GSK3B: variants seen among roughly 807,000 people sequenced by gnomAD.
GSK3B encodes the protein glycogen synthase kinase-3 beta.
A neutral mutation model predicts 56.4 loss-of-function variants in GSK3B; 15 were observed. The observed-to-expected ratio is 0.27, with a 90% CI of 0.18 to 0.41. The LOEUF (loss-of-function observed/expected upper bound fraction) is 0.41, where lower values mean the gene tolerates loss of function less well. Among genes scored for constraint, GSK3B ranks in the 10% least tolerant of loss-of-function variants. The pLI, the probability that GSK3B is intolerant of heterozygous loss-of-function variation, is 1.00. For missense variants in GSK3B, 300 were observed against 513.4 expected, an observed-to-expected ratio of 0.58 and a Z score of 4.02; for synonymous variants, 181 against 188.9, an observed-to-expected ratio of 0.96 and a Z score of 0.34.
chr3:119,998,683 A>G (rs2107477368), intron 2 of GSK3B, among the ~76,000 whole-genome samples: 1 of 152,328 alleles, frequency 6.6e-6, no homozygotes, highest in East Asian at 1.9e-4. Context: ...GCCAGGCATG[A>G]TGATTCAGAC....
Position 119,823,412 on chromosome 3 carries a change from AT to A in GSK3B, c.*3375del, listed in dbSNP as rs2107987679. 2 of 199,776 alleles carry A rather than the reference AT, an allele frequency of 1.0e-5. No homozygotes were observed. Among genetic ancestry groups the A allele is most frequent in the East Asian group, 7.8e-5 (1 of 12,876 alleles). The allele number at this position is 199,776 out of a possible 1,614,324, so 12.4% of individuals were successfully genotyped here. ...TAACTGCTAGTAATTGCACTATAGC[AT>A]TTTAGACCACTGACGTATCAAAACC... On this transcript the variant is annotated 3_prime_UTR_variant, in exon 11 of 11. Transcript: ENST00000264235.
At chr3:120,076,801 G>A (rs955538989) in intron 1 of GSK3B, among the ~76,000 whole-genome samples, 7 of 99,226 alleles carry the variant, frequency 7.1e-5, no homozygotes, top group East Asian at 6.2e-4. Flanking sequence ...GCGACAGAGC[G>A]AAACTCCGTC....
intron 4 of GSK3B, among the ~76,000 whole-genome samples, chr3:119,921,023 T>C (rs1441345971): frequency 2.0e-5 from 3 of 152,176 alleles, no homozygotes; most frequent in African/African-American, 7.2e-5. Flanking sequence ...GAAGAAAAGG[T>C]TGATTCTAAG....
intron 2 of GSK3B, among the ~76,000 whole-genome samples, chr3:119,958,846 A>G (rs1419741254): frequency 2.0e-5 from 3 of 152,032 alleles, no homozygotes; most frequent in African/African-American, 7.2e-5. Context: ...CTTAACAGGT[A>G]GAATTCAACT....
chr3:119,958,242 T>G (rs1317101475), intron 2 of GSK3B, among the ~76,000 whole-genome samples: 2 of 152,202 alleles, frequency 1.3e-5, no homozygotes, highest in Non-Finnish European at 2.9e-5. Context: ...TCCCCAGCCA[T>G]GTGGAACTGT....
At chr3:119,927,250 GA>G (rs1208773184) in intron 3 of GSK3B, among the ~76,000 whole-genome samples, 3 of 152,200 alleles carry the variant, frequency 2.0e-5, no homozygotes, top group African/African-American at 4.8e-5. Flanking sequence ...AAAGCTTGAA[GA>G]AAAAAATTAG....
At chr3:119,932,380 C>A (rs1024255557) in intron 3 of GSK3B, among the ~76,000 whole-genome samples, 1 of 151,962 alleles carries the variant, frequency 6.6e-6, no homozygotes, top group African/African-American at 2.4e-5. Context: ...AAGAGAATAC[C>A]TTTTTGCTTG....
chr3:120,089,923 T>C (rs761181501), intron 1 of GSK3B, among the ~76,000 whole-genome samples: 1 of 152,100 alleles, frequency 6.6e-6, no homozygotes, highest in Non-Finnish European at 1.5e-5. Flanking sequence ...AAATTTGGGA[T>C]TAATGCCTAA....
At chr3:119,950,358 T>C (rs2057145692) in intron 2 of GSK3B, among the ~76,000 whole-genome samples, 2 of 152,142 alleles carry the variant, frequency 1.3e-5, no homozygotes, top group Admixed American at 1.3e-4. Flanking sequence ...TCAACCTGGA[T>C]GATATAAAGG....
chr3:119,976,282 T>C (rs911471217), intron 2 of GSK3B, among the ~76,000 whole-genome samples: 3 of 152,094 alleles, frequency 2.0e-5, no homozygotes, highest in African/African-American at 7.2e-5. Context: ...CAAATATTCA[T>C]AGTAGCATCA....
In GSK3B at chr3:119,826,511, GA is replaced by G; in HGVS notation, c.*276del. ...TTTTAATAAAAAAAGATTGTCGTGG[GA>G]GAGAGATTGTATGTTCTAGTGCTCC... On this transcript the variant is annotated 3_prime_UTR_variant, in exon 11 of 11. Coordinates refer to ENST00000264235, the MANE Select transcript of GSK3B (RefSeq NM_001146156.2). 1.8e-6 allele frequency: 1 copy of G among 558,538 alleles called. No individual in the cohort carries two copies. The highest frequency in any genetic ancestry group is 3.1e-5 in the East Asian group (1 of 32,316). 34.6% of individuals were successfully genotyped at this position (558,538 alleles called of 1,614,324 possible). A position where few individuals can be genotyped will look rare whatever the true frequency, so the allele number is the denominator to read the frequency against.
At chr3:119,865,448 ATATATATATATATATATATTTTTTTTT>A (rs2056165035) in intron 8 of GSK3B, among the ~76,000 whole-genome samples, 2 of 17,004 alleles carry the variant, frequency 1.2e-4, no homozygotes, top group Non-Finnish European at 3.3e-4. Flanking sequence ...ATATATATAT[ATATATATATATATATATATTTTTTTTT>A]TTTTTTTTTT....
rs562215744 is a variant in GSK3B, at chr3:119,855,722, C to T, written c.1096+7697G>A. 1.7e-3 allele frequency among the ~76,000 whole-genome samples: 261 copies of T among 152,104 alleles called. 1 individual carries two copies. Among genetic ancestry groups the T allele is most frequent in the African/African-American group, 5.9e-3 (243 of 41,474 alleles). ...GAAACTATCATTCTGAGCAAACTATCGCAAGGACAGAAAACCAAACACTGC... is the reference window on the plus strand; with the variant it reads ...GAAACTATCATTCTGAGCAAACTATTGCAAGGACAGAAAACCAAACACTGC... On this transcript the variant is annotated intron_variant, in intron 9 of 10. Coordinates refer to ENST00000264235, the MANE Select transcript of GSK3B (RefSeq NM_001146156.2).
At chr3:119,828,042 C>T (rs1165945790) in intron 10 of GSK3B, among the ~76,000 whole-genome samples, 6 of 152,016 alleles carry the variant, frequency 3.9e-5, no homozygotes, top group African/African-American at 1.4e-4. Context: ...GATTATTACA[C>T]ATTCCATGTC....
At chr3:119,876,338 A>G in intron 8 of GSK3B, 75 bp downstream of exon 8, 1 of 805,168 alleles carries the variant, frequency 1.2e-6, no homozygotes, top group South Asian at 1.5e-5. Flanking sequence ...TCTGATCTCA[A>G]AATAGTTTAA....
chr3:119,930,545 A>G (rs918385798), intron 3 of GSK3B, among the ~76,000 whole-genome samples: 1 of 152,252 alleles, frequency 6.6e-6, no homozygotes, highest in African/African-American at 2.4e-5. Flanking sequence ...AACATTGAAT[A>G]AAAATTTAAA....
intron 1 of GSK3B, 100 bp downstream of exon 1, chr3:120,093,247 T>A: frequency 1.2e-6 from 1 of 802,240 alleles, no homozygotes. Context: ...TTCCATTGCC[T>A]GTTTATCAGG....
In GSK3B at chr3:119,867,038, G is replaced by GA. The variant is rs557679008; in HGVS notation, c.910-3434dup. Among the ~76,000 whole-genome samples the GA allele has an allele frequency of 6.4e-3, 968 of 152,312 alleles. 12 individuals carry two copies. Among genetic ancestry groups the GA allele is most frequent in the African/African-American group, 0.02 (828 of 41,568 alleles). The stretch of plus-strand genomic sequence containing the variant: ...ATTCATCATCCACAGACATGGCTGG[G>GA]AGGGGGCATATTAGCCTGCTTTTAA... On this transcript the variant is annotated intron_variant, in intron 8 of 10. Coordinates refer to ENST00000264235, the MANE Select transcript of GSK3B (RefSeq NM_001146156.2).
chr3:120,091,121 T>C (rs1044650068), intron 1 of GSK3B, among the ~76,000 whole-genome samples: 5 of 152,224 alleles, frequency 3.3e-5, no homozygotes, highest in Non-Finnish European at 5.9e-5. Flanking sequence ...ATGATTCAAT[T>C]TGTATTTTAC....
Sources: allele counts gnomAD v4.1 joint callset (sites outside exome capture counted in the v4.1 genomes callset), GRCh38; gene constraint gnomAD v4.1.1; transcripts MANE v1.5; gene names NCBI Gene and HGNC (gene_info 2026-07-23, HGNC 2026-07-21).